The following NCKAP5 variants were observed in gnomAD, a reference collection of about 807,000 sequenced individuals.
NCKAP5 encodes NCK associated protein 5, also known as nck-associated protein 5.
A neutral mutation model predicts 167.0 loss-of-function variants in NCKAP5; 92 were observed. The ratio of observed to expected loss-of-function variants is 0.55; its 90% CI spans 0.47 to 0.66. The LOEUF (loss-of-function observed/expected upper bound fraction) is 0.66, where lower values mean the gene tolerates loss of function less well. Ranked by LOEUF, NCKAP5 falls within the 30% of genes least tolerant of loss-of-function variation. The pLI is 0.00. For missense variants in NCKAP5, 2,378 were observed against 2,315.0 expected, an observed-to-expected ratio of 1.03 and a Z score of -0.56; for synonymous variants, 891 against 877.4, an observed-to-expected ratio of 1.02 and a Z score of -0.27.
At chr2:132,920,743 G>GTGTATATATA (rs1558943003) in intron 8 of NCKAP5, among the ~76,000 whole-genome samples, 1 of 68,456 alleles carries the variant, frequency 1.5e-5, no homozygotes, top group Non-Finnish European at 2.4e-5. Flanking sequence ...GTATATATAT[G>GTGTATATATA]TGTATATATA....
At chr2:132,920,757 GTATATA>G (rs1163807017) in intron 8 of NCKAP5, among the ~76,000 whole-genome samples, 1 of 31,080 alleles carries the variant, frequency 3.2e-5, no homozygotes, top group East Asian at 1.0e-3. Context: ...ATATATATAT[GTATATA>G]TATGTATGTA....
At chr2:133,308,999 C>T (rs947610936) in intron 3 of NCKAP5, among the ~76,000 whole-genome samples, 9 of 151,606 alleles carry the variant, frequency 5.9e-5, no homozygotes, top group Admixed American at 4.6e-4. Flanking sequence ...CGTGAGCCAC[C>T]GCGCCCGGCC....
rs1251311603 is a variant in NCKAP5, at chr2:132,728,528, G to C, written c.5580+288C>G. Among the ~76,000 whole-genome samples the C allele has an allele frequency of 2.0e-5, 3 of 152,192 alleles. 1 individual carries two copies. The highest frequency in any genetic ancestry group is 7.2e-5 in the African/African-American group (3 of 41,438). Reference sequence around the variant, plus strand: ...AATGGCGCCCACATGGCTTGGGAGAGTGAATGCTTGTCCCACAATATCTAA... The same window carrying C: ...AATGGCGCCCACATGGCTTGGGAGACTGAATGCTTGTCCCACAATATCTAA... On this transcript the variant is annotated intron_variant, in intron 18 of 19. Transcript: ENST00000409261.
the NCKAP5 span, among the ~76,000 whole-genome samples, chr2:133,645,735 T>C: frequency 6.6e-6 from 1 of 152,112 alleles, no homozygotes; most frequent in African/African-American, 2.4e-5. Flanking sequence ...AAACTGTTGG[T>C]TGCTTTTAAT....
At chr2:133,626,283 T>G in the NCKAP5 span, among the ~76,000 whole-genome samples, 1 of 152,190 alleles carries the variant, frequency 6.6e-6, no homozygotes. Context: ...AGAAAATATT[T>G]TTTGTCCCAA....
chr2:132,838,299 G>T (rs557569087), intron 11 of NCKAP5, among the ~76,000 whole-genome samples: 2 of 152,148 alleles, frequency 1.3e-5, no homozygotes, highest in East Asian at 3.9e-4. Flanking sequence ...AATTAATTCA[G>T]TTCCCACTAC....
intron 8 of NCKAP5, among the ~76,000 whole-genome samples, chr2:132,937,481 C>T (rs958504966): frequency 3.9e-5 from 6 of 152,172 alleles, no homozygotes; most frequent in African/African-American, 1.4e-4. Flanking sequence ...TAAACGCTTT[C>T]CTAAGTGCTA....
chr2:133,488,086 A>G (rs1348043503), intron 3 of NCKAP5, among the ~76,000 whole-genome samples: 1 of 152,154 alleles, frequency 6.6e-6, no homozygotes, highest in Admixed American at 6.5e-5. Flanking sequence ...ATATTTCTCA[A>G]ATGGAGACAG....
At chr2:133,015,440 C>T (rs2149374737) in intron 6 of NCKAP5, among the ~76,000 whole-genome samples, 1 of 152,184 alleles carries the variant, frequency 6.6e-6, no homozygotes, top group African/African-American at 2.4e-5. Flanking sequence ...ATAAATATAA[C>T]TCATGGAAGA....
intron 3 of NCKAP5, among the ~76,000 whole-genome samples, chr2:133,461,571 G>A (rs1343864829): frequency 1.3e-5 from 2 of 152,096 alleles, no homozygotes; most frequent in Non-Finnish European, 2.9e-5. Flanking sequence ...CCAAGCAATT[G>A]CTCCACCATC....
intron 16 of NCKAP5, among the ~76,000 whole-genome samples, chr2:132,767,305 G>C (rs1042676984): frequency 6.6e-6 from 1 of 151,964 alleles, no homozygotes; most frequent in African/African-American, 2.4e-5. Flanking sequence ...GGAGTGCAAT[G>C]GTGCAATCTC....
intron 6 of NCKAP5, among the ~76,000 whole-genome samples, chr2:133,061,526 A>G (rs184607632): frequency 1.8e-4 from 28 of 152,358 alleles, no homozygotes; most frequent in African/African-American, 6.3e-4. Flanking sequence ...GTTACAGAAA[A>G]CAAAAAGAAA....
intron 4 of NCKAP5, among the ~76,000 whole-genome samples, chr2:133,257,315 G>C (rs1272795281): frequency 6.6e-6 from 1 of 152,146 alleles, no homozygotes; most frequent in South Asian, 2.1e-4. Flanking sequence ...AAAACATTCA[G>C]AAATATTCAC....
intron 3 of NCKAP5, among the ~76,000 whole-genome samples, chr2:133,379,937 T>C (rs1213309904): frequency 1.3e-5 from 2 of 152,172 alleles, no homozygotes; most frequent in African/African-American, 4.8e-5. Context: ...TGAATAGATG[T>C]ATGTACATAA....
intron 6 of NCKAP5, among the ~76,000 whole-genome samples, chr2:133,024,727 C>G (rs537917628): frequency 6.6e-6 from 1 of 152,172 alleles, no homozygotes; most frequent in African/African-American, 2.4e-5. Flanking sequence ...TTCTAGCTTG[C>G]GCTCATAAAG....
intron 3 of NCKAP5, among the ~76,000 whole-genome samples, chr2:133,377,538 G>A (rs72989648): frequency 6.6e-6 from 1 of 152,108 alleles, no homozygotes; most frequent in Non-Finnish European, 1.5e-5. Context: ...AAAGCCAGGG[G>A]AAAGCACCCA....
intron 5 of NCKAP5, among the ~76,000 whole-genome samples, chr2:133,174,077 T>C (rs2084357862): frequency 6.6e-6 from 1 of 152,224 alleles, no homozygotes; most frequent in South Asian, 2.1e-4. Context: ...TAATATTCTA[T>C]CTCTGTTCCA....
intron 3 of NCKAP5, among the ~76,000 whole-genome samples, chr2:133,354,786 T>C (rs948314324): frequency 6.6e-6 from 1 of 152,126 alleles, no homozygotes; most frequent in African/African-American, 2.4e-5. Context: ...CCCAAAATCT[T>C]AGAAAATAAT....
At chr2:132,830,485 A>C (rs1687445151) in intron 11 of NCKAP5, among the ~76,000 whole-genome samples, 1 of 151,952 alleles carries the variant, frequency 6.6e-6, no homozygotes, top group Non-Finnish European at 1.5e-5. Flanking sequence ...CCCGAAGAAC[A>C]AAGGGCTGAG....
Sources: allele counts gnomAD v4.1 joint callset (sites outside exome capture counted in the v4.1 genomes callset), GRCh38; gene constraint gnomAD v4.1.1; transcripts MANE v1.5; gene names NCBI Gene and HGNC (gene_info 2026-07-23, HGNC 2026-07-21).